Variants in FAM227B observed in about 807,000 individuals in gnomAD.
FAM227B encodes protein FAM227B.
A neutral mutation model predicts 73.8 loss-of-function variants in FAM227B; 88 were observed. The ratio of observed to expected loss-of-function variants is 1.19; its 90% CI spans 1.00 to 1.42. The LOEUF is 1.42. Among genes scored for constraint, FAM227B ranks in the 40% most tolerant of loss-of-function variants. The pLI, the probability that FAM227B is intolerant of heterozygous loss-of-function variation, is 0.00. For synonymous variants in FAM227B, 210 were observed against 190.5 expected (o/e 1.10, Z -0.84); for missense variants, 632 against 590.9 (o/e 1.07, Z -0.72).
chr15:49,369,313 G>A (rs2045633490), intron 12 of FAM227B, among the ~76,000 whole-genome samples: 1 of 151,998 alleles, frequency 6.6e-6, no homozygotes, highest in Non-Finnish European at 1.5e-5. Context: ...CTCTTGCTAG[G>A]GACATTCCAA....
At chr15:49,575,702 G>A (rs997005514) in intron 7 of FAM227B, among the ~76,000 whole-genome samples, 7 of 151,968 alleles carry the variant, frequency 4.6e-5, no homozygotes, top group Non-Finnish European at 8.8e-5. Context: ...CAGCAAAAAT[G>A]TAAGATTCAT....
At chr15:49,489,673 A>G (rs895258807) in intron 11 of FAM227B, among the ~76,000 whole-genome samples, 1 of 149,692 alleles carries the variant, frequency 6.7e-6, no homozygotes, top group African/African-American at 2.5e-5. Flanking sequence ...ACCCAAGACC[A>G]TCTGAGAATA....
intron 9 of FAM227B, among the ~76,000 whole-genome samples, chr15:49,550,958 C>T (rs941524664): frequency 5.3e-5 from 8 of 152,202 alleles, no homozygotes; most frequent in African/African-American, 1.7e-4. Context: ...TGTAGCGAGC[C>T]GAGATCACAC....
intron 10 of FAM227B, among the ~76,000 whole-genome samples, chr15:49,527,697 T>C (rs1038306154): frequency 2.0e-5 from 3 of 151,942 alleles, no homozygotes; most frequent in African/African-American, 4.8e-5. Context: ...GTAGCATTTC[T>C]ACACACTGAT....
intron 11 of FAM227B, among the ~76,000 whole-genome samples, chr15:49,442,404 G>C (rs551949743): frequency 6.6e-6 from 1 of 151,670 alleles, no homozygotes; most frequent in African/African-American, 2.4e-5. Context: ...CCTTGTGAGA[G>C]TAAAATGTGA....
chr15:49,345,491 A>T (rs532089125), intron 13 of FAM227B, among the ~76,000 whole-genome samples: 43 of 152,352 alleles, frequency 2.8e-4, no homozygotes, highest in African/African-American at 1.0e-3. Flanking sequence ...TTAGACACTT[A>T]TAACTATAAA....
intron 11 of FAM227B, among the ~76,000 whole-genome samples, chr15:49,504,852 T>G (rs2058456918): frequency 1.3e-5 from 2 of 152,186 alleles, no homozygotes; most frequent in African/African-American, 4.8e-5. Context: ...AAGAATGACC[T>G]AATACGTTAC....
intron 3 of FAM227B, among the ~76,000 whole-genome samples, chr15:49,591,077 G>A (rs1435626876): frequency 9.2e-6 from 1 of 109,184 alleles, no homozygotes; most frequent in South Asian, 3.0e-4. Context: ...ACAGAGTCTC[G>A]CTCTGTCGCC....
At chr15:49,586,888 G>A (rs916669739) in intron 5 of FAM227B, among the ~76,000 whole-genome samples, 6 of 152,148 alleles carry the variant, frequency 3.9e-5, no homozygotes, top group Non-Finnish European at 7.4e-5. Flanking sequence ...AGAAGCTGAC[G>A]AGGTTGCAGA....
chr15:49,602,495 A>C (rs976198059), intron 3 of FAM227B, among the ~76,000 whole-genome samples: 1 of 152,142 alleles, frequency 6.6e-6, no homozygotes, highest in Non-Finnish European at 1.5e-5. Context: ...TCAGATTATT[A>C]GTTTTCCTAT....
intron 3 of FAM227B, among the ~76,000 whole-genome samples, chr15:49,606,625 G>A (rs895784852): frequency 3.9e-5 from 6 of 152,108 alleles, no homozygotes; most frequent in Non-Finnish European, 7.4e-5. Context: ...CTCCCTTTAT[G>A]TGTGAATATC....
chr15:49,527,984 T>A (rs1226248517), intron 10 of FAM227B, among the ~76,000 whole-genome samples: 1 of 151,822 alleles, frequency 6.6e-6, no homozygotes, highest in Non-Finnish European at 1.5e-5. Flanking sequence ...TGTCTTTTTT[T>A]GACAGGATTA....
rs1295894373 is a variant in FAM227B, at chr15:49,342,562, T to C, written c.1272-7066A>G. 2.6e-5 allele frequency among the ~76,000 whole-genome samples: 4 copies of C among 152,338 alleles called. No individual in the cohort carries two copies. The East Asian group carries it at 7.7e-4, about 29-fold the overall frequency. ...TTATAATTAATATGTGAGGCTTTGG[T>C]GCTATCGTGAAGTTGTTAGCTGGTT... On this transcript the variant is annotated intron_variant, in intron 13 of 15. Transcript: ENST00000299338.
In FAM227B at chr15:49,513,540, G is replaced by A. The variant is rs191304113; in HGVS notation, c.875-5192C>T. On this transcript the variant is annotated intron_variant, in intron 10 of 15. Transcript: ENST00000299338. The stretch of plus-strand genomic sequence containing the variant: ...AGGTAGCTTGCAAAAATTTTCTCCC[G>A]TTCTGTAGGTTGCCTGTTTGCTCTG... 2.8e-3 allele frequency among the ~76,000 whole-genome samples: 425 copies of A among 152,010 alleles called. 8 individuals are homozygous for A. Among genetic ancestry groups the A allele is most frequent in the Non-Finnish European group, 1.6e-3 (111 of 67,966 alleles).
intron 11 of FAM227B, among the ~76,000 whole-genome samples, chr15:49,380,368 T>C (rs2046444073): frequency 6.6e-6 from 1 of 152,190 alleles, no homozygotes; most frequent in African/African-American, 2.4e-5. Context: ...CGTGGTGCTC[T>C]GCCCTGCCAT....
chr15:49,593,682 T>C (rs566412612), intron 3 of FAM227B, among the ~76,000 whole-genome samples: 16 of 152,290 alleles, frequency 1.1e-4, no homozygotes, highest in African/African-American at 3.1e-4. Flanking sequence ...AGTGAGAACA[T>C]ACGATATTTG....
At chr15:49,565,186 A>T (rs1208975346) in intron 9 of FAM227B, among the ~76,000 whole-genome samples, 1 of 152,006 alleles carries the variant, frequency 6.6e-6, no homozygotes, top group East Asian at 1.9e-4. Flanking sequence ...GTTCAAGAAC[A>T]GTGTGGCCAA....
chr15:49,472,212 A>T (rs1197947867), intron 11 of FAM227B, among the ~76,000 whole-genome samples: 1 of 152,196 alleles, frequency 6.6e-6, no homozygotes, highest in Non-Finnish European at 1.5e-5. Flanking sequence ...AGTTTGGCTT[A>T]AAAAATTGTT....
chr15:49,585,502 C>G (rs965987252), intron 5 of FAM227B, among the ~76,000 whole-genome samples: 1 of 152,198 alleles, frequency 6.6e-6, no homozygotes, highest in Admixed American at 6.5e-5. Context: ...CCATGGAATA[C>G]TATGCAGCCA....
Sources: gnomAD v4.1 joint callset for allele counts (sites outside exome capture counted in the v4.1 genomes callset) on GRCh38, gnomAD v4.1.1 for gene constraint, MANE v1.5 for transcripts, NCBI Gene and HGNC (gene_info 2026-07-23, HGNC 2026-07-21) for gene names.